TMED5: variants seen among roughly 807,000 people sequenced by gnomAD.
TMED5 encodes the protein transmembrane p24 trafficking protein 5, also known as transmembrane emp24 domain-containing protein 5.
A neutral mutation model predicts 23.0 loss-of-function variants in TMED5; 27 were observed. That is an observed-to-expected ratio of 1.17 (90% CI 0.86 to 1.62). The LOEUF is 1.62. TMED5 is among the 40% of genes most tolerant of loss of function. TMED5 has a pLI of 0.00. For missense variants in TMED5, 248 were observed against 273.7 expected (o/e 0.91, Z 0.66); for synonymous variants, 97 against 100.8 (o/e 0.96, Z 0.23).
chr1:93,177,887 G>T (rs1648976055), intron 1 of TMED5, among the ~76,000 whole-genome samples: 1 of 152,070 alleles, frequency 6.6e-6, no homozygotes, highest in Non-Finnish European at 1.5e-5. Flanking sequence ...GCAGAGTCAA[G>T]ATTTGAACCC....
At chr1:93,158,078 C>T (rs911470978) in intron 2 of TMED5, among the ~76,000 whole-genome samples, 9 of 147,106 alleles carry the variant, frequency 6.1e-5, no homozygotes, top group South Asian at 2.1e-4. Context: ...GAGCCGAGAT[C>T]GCGCCACTGC....
intron 1 of TMED5, 87 bp downstream of exon 1, chr1:93,179,967 T>A: frequency 7.2e-7 from 1 of 1,396,772 alleles, no homozygotes; most frequent in East Asian, 2.6e-5. Context: ...ACCAGGGCCG[T>A]CCACCAGAAG....
chr1:93,152,943 C>G lies in TMED5; in HGVS notation c.*1727G>C, dbSNP rs1296670435. 2 of 152,446 alleles carry G rather than the reference C, an allele frequency of 1.3e-5. No homozygotes were observed. Among genetic ancestry groups the G allele is most frequent in the African/African-American group, 4.8e-5 (2 of 41,394 alleles). 9.4% of individuals were successfully genotyped at this position (152,446 alleles called of 1,614,324 possible). ...ACGGCATTTACCTCATTTTTAAAAACCTTGCCAGTAGGGAAATCTAAGCTG... is the reference window on the plus strand; with the variant it reads ...ACGGCATTTACCTCATTTTTAAAAAGCTTGCCAGTAGGGAAATCTAAGCTG... On this transcript the variant is annotated 3_prime_UTR_variant, in exon 4 of 4. Coordinates refer to ENST00000370282, the MANE Select transcript of TMED5 (RefSeq NM_016040.5).
chr1:93,175,513 T>G (rs1648883987), intron 1 of TMED5, among the ~76,000 whole-genome samples: 1 of 151,388 alleles, frequency 6.6e-6, no homozygotes, highest in African/African-American at 2.4e-5. Context: ...AAAAGACATT[T>G]TTTCCCAAAG....
At chr1:93,167,764 G>T (rs1648560000) in intron 1 of TMED5, among the ~76,000 whole-genome samples, 1 of 152,054 alleles carries the variant, frequency 6.6e-6, no homozygotes, top group South Asian at 2.1e-4. Context: ...TTCTCTGACT[G>T]CTGTAGCTAG....
rs771126690 is a variant in TMED5 at position 93,180,124 on chromosome 1, A to T, written c.119T>A (p.Leu40His). ...GAAGCACTCCTTCTGGCCGGCGGGA[A>T]GGGTAAAGGTGAAGTCGCTATCGAG... is the stretch of plus-strand genomic sequence containing the variant. ...PSLDSDFTFTLPAGQKECFYQ... is the reference protein window; with the variant it reads ...PSLDSDFTFTHPAGQKECFYQ... The change falls in exon 1 of 4, where the codon CTT becomes CAT. Residue 40 changes from leucine (L) to histidine (H), a missense_variant. Leu to His is a moderately conservative substitution (Grantham distance 99, BLOSUM62 -3). Transcript: ENST00000370282. 1 of 1,613,682 alleles carries T rather than the reference A, an allele frequency of 6.2e-7. No individual in the cohort carries two copies. Among genetic ancestry groups the T allele is most frequent in the South Asian group, 1.1e-5 (1 of 91,072 alleles).
intron 1 of TMED5, among the ~76,000 whole-genome samples, chr1:93,177,380 C>T (rs1648952619): frequency 6.6e-6 from 1 of 151,906 alleles, no homozygotes; most frequent in Admixed American, 6.6e-5. Flanking sequence ...GAGTTTGGGA[C>T]CAGTCTGGCC....
chr1:93,175,344 T>C (rs1030274287), intron 1 of TMED5, among the ~76,000 whole-genome samples: 1 of 142,934 alleles, frequency 7.0e-6, no homozygotes, highest in Non-Finnish European at 1.5e-5. Flanking sequence ...CACACACATA[T>C]ATGGCTTTTG....
chr1:93,178,750 T>G (rs1649054940), intron 1 of TMED5, among the ~76,000 whole-genome samples: 2 of 152,234 alleles, frequency 1.3e-5, no homozygotes, highest in African/African-American at 4.8e-5. Context: ...ATCGTGTGTA[T>G]CTATATACAA....
At chr1:93,175,175 TTATATATATA>T (rs201008342) in intron 1 of TMED5, among the ~76,000 whole-genome samples, 2 of 119,872 alleles carry the variant, frequency 1.7e-5, no homozygotes, top group African/African-American at 8.0e-5. Flanking sequence ...TAAAAGCCAT[TTATATATATA>T]TATATATATA....
In TMED5 at chr1:93,152,059, A is replaced by AT. The variant is rs1301933484; in HGVS notation, c.*2610dup. On this transcript the variant is annotated 3_prime_UTR_variant, in exon 4 of 4. Coordinates refer to ENST00000370282, the MANE Select transcript of TMED5 (RefSeq NM_016040.5). ...AGGAGACATACAATTGTAAGTGCTC[A>AT]TTTTTTGTCAATTTTAAGACACCAT... The AT allele has an allele frequency of 6.6e-6, 1 of 152,588 alleles. No homozygotes were observed. Among genetic ancestry groups the AT allele is most frequent in the African/African-American group, 2.4e-5 (1 of 41,442 alleles). The allele number at this position is 152,588 out of a possible 1,614,324, so 9.5% of individuals were successfully genotyped here.
At chr1:93,155,990 T>C (rs752671333) in intron 3 of TMED5, 19 of 1,000,312 alleles carry the variant, frequency 1.9e-5, no homozygotes, top group Non-Finnish European at 2.5e-5. Context: ...GCATAATCTA[T>C]TTATAATTTA....
intron 1 of TMED5, among the ~76,000 whole-genome samples, chr1:93,170,808 T>C (rs1217250523): frequency 6.6e-6 from 1 of 152,214 alleles, no homozygotes; most frequent in Non-Finnish European, 1.5e-5. Context: ...ACTCTCTGTA[T>C]CTAGCTAATC....
Position 93,153,020 on chromosome 1 carries a change from G to A in TMED5, c.*1650C>T, listed in dbSNP as rs1187812969. The stretch of plus-strand genomic sequence containing the variant: ...AATGTATCTCTTTTTATACTACTAT[G>A]AGTGTAAATGAAATCACTCTCTGGT... On this transcript the variant is annotated 3_prime_UTR_variant, in exon 4 of 4. Transcript: ENST00000370282. The A allele has an allele frequency of 1.3e-5, 2 of 152,488 alleles. No individual in the cohort carries two copies. The highest frequency in any genetic ancestry group is 2.9e-5 in the Non-Finnish European group (2 of 68,002). The allele number at this position is 152,488 out of a possible 1,614,324, so 9.4% of individuals were successfully genotyped here.
intron 1 of TMED5, among the ~76,000 whole-genome samples, chr1:93,175,342 T>C (rs560358777): frequency 1.2e-3 from 157 of 125,834 alleles, no homozygotes; most frequent in African/African-American, 1.3e-3. Flanking sequence ...CACACACACA[T>C]ATATGGCTTT....
intron 3 of TMED5, chr1:93,156,031 C>T: frequency 7.0e-7 from 1 of 1,428,706 alleles, no homozygotes; most frequent in Non-Finnish European, 9.3e-7. Flanking sequence ...ATAAAACAAA[C>T]TTACCAAGAT....
At chr1:93,160,932 T>C (rs1240252084) in intron 1 of TMED5, 1 of 151,934 alleles carries the variant, frequency 6.6e-6, no homozygotes, top group Non-Finnish European at 1.5e-5. Flanking sequence ...ATTAACTGTT[T>C]CTTAGCCTGG....
chr1:93,160,433 A>C (rs1290322457), intron 1 of TMED5: 1 of 417,132 alleles, frequency 2.4e-6, no homozygotes, highest in Non-Finnish European at 4.3e-6. Flanking sequence ...CATTTCTCTC[A>C]CCATCACCTA....
chr1:93,158,024 C>T (rs1013585554), intron 2 of TMED5, among the ~76,000 whole-genome samples: 6 of 148,824 alleles, frequency 4.0e-5, no homozygotes, highest in African/African-American at 1.2e-4. Context: ...CTCAGGAGGC[C>T]GAGGCAGGAG....
Sources: gnomAD v4.1 joint callset for allele counts (sites outside exome capture counted in the v4.1 genomes callset) on GRCh38, gnomAD v4.1.1 for gene constraint, MANE v1.5 for transcripts, NCBI Gene and HGNC (gene_info 2026-07-23, HGNC 2026-07-21) for gene names.